ZNF649: variants seen among roughly 807,000 people sequenced by gnomAD.
The protein encoded by ZNF649 is zinc finger protein 649.
Under a neutral mutation model 14.1 loss-of-function variants are expected in ZNF649, and 7 were observed. That is an observed-to-expected ratio of 0.49 (90% CI 0.28 to 0.93). The LOEUF is 0.93. ZNF649 is among the 40% of genes least tolerant of loss of function. The pLI is 0.10. For missense variants in ZNF649, 544 were observed against 608.1 expected (o/e 0.89, Z 1.11); for synonymous variants, 227 against 212.3 (o/e 1.07, Z -0.60).
At chr19:51,899,224 C>T (rs906864541) in intron 2 of ZNF649, among the ~76,000 whole-genome samples, 1 of 152,164 alleles carries the variant, frequency 6.6e-6, no homozygotes, top group Admixed American at 6.5e-5. Flanking sequence ...CATAATGAGT[C>T]ATTTGCATAA....
chr19:51,900,390 C>T (rs564467676), intron 1 of ZNF649, 96 bp from the exon 2 acceptor site: 20 of 348,772 alleles, frequency 5.7e-5, no homozygotes, highest in Non-Finnish European at 8.7e-5. Context: ...CAAGGCCAAG[C>T]AATATATCTA....
chr19:51,896,638 G>C (rs2085064471), intron 3 of ZNF649, 71 bp from the exon 4 acceptor site: 6 of 1,559,930 alleles, frequency 3.8e-6, no homozygotes, highest in Non-Finnish European at 5.3e-6. Flanking sequence ...ATAGGAGAAA[G>C]GTACATGTTA....
intron 1 of ZNF649, among the ~76,000 whole-genome samples, chr19:51,901,950 CA>C (rs35820639): frequency 0.24 from 15,253 of 63,614 alleles, 1,055 homozygotes; most frequent in African/African-American, 0.39. Flanking sequence ...GACTCTGTAT[CA>C]AAAAAAAAAA....
At chr19:51,898,583 G>T (rs1248613887) in intron 2 of ZNF649, among the ~76,000 whole-genome samples, 2 of 152,000 alleles carry the variant, frequency 1.3e-5, no homozygotes, top group Non-Finnish European at 2.9e-5. Flanking sequence ...CCCCATGGGG[G>T]TTTTTATGGA....
intron 1 of ZNF649, among the ~76,000 whole-genome samples, chr19:51,902,639 G>A (rs571390772): frequency 1.0e-3 from 154 of 152,260 alleles, no homozygotes; most frequent in African/African-American, 3.6e-3. Context: ...AGCTGTTCTA[G>A]GAGTTATTTC....
rs1420384662 is a variant in ZNF649 at position 51,900,307 on chromosome 19, A to G, written c.-187-13T>C. 4.7e-6 allele frequency: 2 copies of G among 424,102 alleles called. No homozygotes were observed. The highest frequency in any genetic ancestry group is 2.0e-5 in the African/African-American group (1 of 49,214). The allele number at this position is 424,102 out of a possible 1,614,324, so 26.3% of individuals were successfully genotyped here. On this transcript the variant is annotated splice_polypyrimidine_tract_variant and intron_variant, in intron 1 of 4. Coordinates refer to ENST00000354957, the MANE Select transcript of ZNF649 (RefSeq NM_023074.4). ...GGGGAGCCAGGACCTATGGAGTAAA[A>G]ATCAAGTTCATTTGGTGACACATTC...
At chr19:51,903,296 A>C (rs915410430) in intron 1 of ZNF649, among the ~76,000 whole-genome samples, 77 of 152,096 alleles carry the variant, frequency 5.1e-4, no homozygotes, top group African/African-American at 1.8e-3. Context: ...GATCAACTCA[A>C]CCTTCAACTT....
chr19:51,895,526 T>G (rs1489272734), intron 4 of ZNF649, among the ~76,000 whole-genome samples: 1 of 151,906 alleles, frequency 6.6e-6, no homozygotes, highest in African/African-American at 2.4e-5. Context: ...GTATTTTTAG[T>G]AGAGATGGGG....
chr19:51,894,357 C>T (rs1403397930), intron 4 of ZNF649, among the ~76,000 whole-genome samples: 1 of 152,186 alleles, frequency 6.6e-6, no homozygotes, highest in Non-Finnish European at 1.5e-5. Context: ...TGGTCTCAAA[C>T]TCCTGACCTC....
chr19:51,895,500 C>T (rs1332201112), intron 4 of ZNF649, among the ~76,000 whole-genome samples: 11 of 151,982 alleles, frequency 7.2e-5, no homozygotes, highest in African/African-American at 1.4e-4. Context: ...CATGTCACCA[C>T]GCCCGGCTAA....
At chr19:51,895,661 T>C (rs545164294) in intron 4 of ZNF649, among the ~76,000 whole-genome samples, 3 of 152,136 alleles carry the variant, frequency 2.0e-5, no homozygotes, top group South Asian at 4.1e-4. Context: ...TCAGTTCTTA[T>C]CTCACTTGAT....
Position 51,891,385 on chromosome 19 carries a change from C to G in ZNF649, c.751G>C (p.Glu251Gln), listed in dbSNP as rs936518739. The change falls in exon 5 of 5, where the codon GAA (glutamate) becomes CAA (glutamine). Residue 251 changes from glutamate (E) to glutamine (Q), a missense_variant. Glu to Gln is a conservative substitution (Grantham distance 29). Coordinates refer to ENST00000354957, the MANE Select transcript of ZNF649 (RefSeq NM_023074.4). The surrounding 1 kb of genome is among the most constrained non-coding windows in gnomAD (Gnocchi z 4.2). ...KAFYKRYRLT[E>Q]HERAHKGEKP... is the part of the protein sequence containing the mutation. Reference sequence around the variant, plus strand: ...TCTCCTTTGTGAGCTCTCTCGTGTTCAGTGAGCCTGTACCTCTTGTAGAAG... The same window carrying G: ...TCTCCTTTGTGAGCTCTCTCGTGTTGAGTGAGCCTGTACCTCTTGTAGAAG... 1.9e-6 allele frequency: 3 copies of G among 1,614,098 alleles called. No homozygotes were observed. The highest frequency in any genetic ancestry group is 2.5e-6 in the Non-Finnish European group (3 of 1,179,918).
At chr19:51,893,282 A>G (rs1034505458) in intron 4 of ZNF649, among the ~76,000 whole-genome samples, 3 of 152,122 alleles carry the variant, frequency 2.0e-5, no homozygotes, top group Non-Finnish European at 4.4e-5. Flanking sequence ...CACTATGCAC[A>G]TGTTTGCTGA....
intron 4 of ZNF649, among the ~76,000 whole-genome samples, chr19:51,895,023 G>A (rs912533698): frequency 1.3e-5 from 2 of 152,114 alleles, no homozygotes; most frequent in Non-Finnish European, 1.5e-5. Context: ...TCTGTCCTTC[G>A]ATGAAGAAAT....
intron 1 of ZNF649, among the ~76,000 whole-genome samples, chr19:51,902,025 G>A (rs979531174): frequency 7.3e-5 from 11 of 151,120 alleles, no homozygotes; most frequent in African/African-American, 2.4e-4. Flanking sequence ...CACACAGATC[G>A]GCCCTTTCTG....
intron 1 of ZNF649, among the ~76,000 whole-genome samples, chr19:51,903,203 T>TC (rs1166912364): frequency 6.6e-6 from 1 of 152,046 alleles, no homozygotes; most frequent in African/African-American, 2.4e-5. Context: ...ATCTGTAAGT[T>TC]CCCCAGAAGT....
In ZNF649 at chr19:51,890,508, A is replaced by G; in HGVS notation, c.*110T>C. The G allele has an allele frequency of 1.5e-6, 1 of 674,910 alleles. No homozygotes were observed. The highest frequency in any genetic ancestry group is 2.7e-5 in the East Asian group (1 of 36,966). The allele number at this position is 674,910 out of a possible 1,614,324, so 41.8% of individuals were successfully genotyped here. A position where few individuals can be genotyped will look rare whatever the true frequency, so the allele number is the denominator to read the frequency against. ...GATATAAAAAAGTAAAATATATTTCATATCTTGTAAACCCTACTATACATA... is the reference window on the plus strand; with the variant it reads ...GATATAAAAAAGTAAAATATATTTCGTATCTTGTAAACCCTACTATACATA... On this transcript the variant is annotated 3_prime_UTR_variant, in exon 5 of 5. Transcript: ENST00000354957.
chr19:51,897,577 A>G (rs887805226), intron 2 of ZNF649, among the ~76,000 whole-genome samples: 1 of 152,224 alleles, frequency 6.6e-6, no homozygotes, highest in Admixed American at 6.5e-5. Flanking sequence ...TAAACTATGC[A>G]GTGGCCATAA....
intron 4 of ZNF649, 66 bp downstream of exon 4, chr19:51,896,406 C>T: frequency 7.1e-7 from 1 of 1,398,814 alleles, no homozygotes; most frequent in Non-Finnish European, 1.0e-6. Flanking sequence ...AACTGTCATG[C>T]CTTCTCTAAA....
Sources: gnomAD v4.1 joint callset for allele counts (sites outside exome capture counted in the v4.1 genomes callset) on GRCh38, gnomAD v4.1.1 for gene constraint, Gnocchi (gnomAD v3.1) non-coding constraint, MANE v1.5 for transcripts, NCBI Gene and HGNC (gene_info 2026-07-23, HGNC 2026-07-21) for gene names.